RYR1: variants seen among roughly 807,000 people sequenced by gnomAD.
The protein encoded by RYR1 is central core disease of muscle.
Under a neutral mutation model 583.5 loss-of-function variants are expected in RYR1, and 342 were observed. The ratio of observed to expected loss-of-function variants is 0.59; its 90% CI spans 0.54 to 0.64. RYR1 has a LOEUF of 0.64. RYR1 is among the 30% of genes least tolerant of loss of function. The pLI is 0.00. For missense variants in RYR1, 6,032 were observed against 6,917.2 expected (o/e 0.87, Z 4.54); for synonymous variants, 2,791 against 2,822.5 (o/e 0.99, Z 0.35).
intron 20 of RYR1, among the ~76,000 whole-genome samples, chr19:38,462,106 C>T (rs150410459): frequency 1.8e-4 from 27 of 152,178 alleles, no homozygotes; most frequent in African/African-American, 6.3e-4. Context: ...AAGCATGTCC[C>T]TATAGGAGGG....
chr19:38,517,231 A>G (rs1971010274), intron 65 of RYR1, 128 bp from the exon 66 acceptor site: 2 of 961,432 alleles, frequency 2.1e-6, no homozygotes, highest in East Asian at 5.3e-5. Flanking sequence ...GATGGGAAGA[A>G]TAGGGTTTGG....
rs553176743 is a variant in RYR1 at position 38,470,074 on chromosome 19, G to A, written c.3765+561G>A. 2.0e-5 allele frequency among the ~76,000 whole-genome samples: 3 copies of A among 151,958 alleles called. No homozygotes were observed. In the South Asian group the frequency reaches 6.3e-4, roughly 32 times the overall value. ...CCAGCTACTTAGGGGGCTGAGGCAG[G>A]AGACTCGCTTGAACACGGGAGATGG... On this transcript the variant is annotated intron_variant, in intron 27 of 105. Transcript: ENST00000359596.
rs7258503 is a variant in RYR1 at position 38,477,899 on chromosome 19, G to A, written c.4454+29G>A. 6.3e-3 allele frequency: 8,705 copies of A among 1,389,548 alleles called. 473 individuals carry two copies. The African/African-American group carries it at 0.11, about 17-fold the overall frequency. 86.1% of individuals were successfully genotyped at this position (1,389,548 alleles called of 1,614,324 possible). Reference sequence around the variant, plus strand: ...CCGGGGCTGGGGGGAGGTGGGAGGTGCAGGGTGGGGAGGGCAGGAGGCAGT... The same window carrying A: ...CCGGGGCTGGGGGGAGGTGGGAGGTACAGGGTGGGGAGGGCAGGAGGCAGT... On this transcript the variant is annotated intron_variant, in intron 30 of 105. Coordinates refer to ENST00000359596, the MANE Select transcript of RYR1 (RefSeq NM_000540.3).
chr19:38,575,638 A>G lies in RYR1; in HGVS notation c.14130-281A>G, dbSNP rs145676047. Among the ~76,000 whole-genome samples, 20 of 152,192 alleles carry G rather than the reference A, an allele frequency of 1.3e-4. 2 individuals are homozygous for G. The highest frequency in any genetic ancestry group is 4.8e-4 in the African/African-American group (20 of 41,536). ...GCCAACATGGCAAAACCTCGTCTCT[A>G]CTAAAAATACGAAAATTAGCCGGGC... On this transcript the variant is annotated intron_variant, in intron 96 of 105. Coordinates refer to ENST00000359596, the MANE Select transcript of RYR1 (RefSeq NM_000540.3).
In RYR1 at chr19:38,583,853, G is replaced by A. The variant is rs147481552; in HGVS notation, c.14647-1090G>A. On this transcript the variant is annotated intron_variant, in intron 101 of 105. Coordinates refer to ENST00000359596, the MANE Select transcript of RYR1 (RefSeq NM_000540.3). Reference sequence around the variant, plus strand: ...ACATCCTACAGGAAGCCCCTTGACCGCGGGCTGGGCCAGGGCCCACAGAGC... The same window carrying A: ...ACATCCTACAGGAAGCCCCTTGACCACGGGCTGGGCCAGGGCCCACAGAGC... Among the ~76,000 whole-genome samples the A allele has an allele frequency of 2.6e-3, 398 of 152,074 alleles. 1 individual carries two copies. Among genetic ancestry groups the A allele is most frequent in the African/African-American group, 9.0e-3 (375 of 41,448 alleles).
Position 38,490,258 on chromosome 19 carries a change from C to T in RYR1, c.5997C>T (p.Arg1999=). 6.2e-7 allele frequency: 1 copy of T among 1,613,996 alleles called. No homozygotes were observed. Among genetic ancestry groups the T allele is most frequent in the Non-Finnish European group, 8.5e-7 (1 of 1,179,952 alleles). Residue 1999 remains arginine (R), a synonymous_variant, in exon 36 of 106, where the codon CGC becomes CGT. Transcript: ENST00000359596. ...CTGCAAGACGTACCCGCGAGTTCCG[C>T]TCCCCACCCCAGGAACAGGTCATCT... The part of the protein sequence containing the change: ...AETARRTREF[R]SPPQEQINML...
In RYR1 at chr19:38,561,286, T is replaced by C. The variant is rs1233497083; in HGVS notation, c.12456T>C (p.His4152=). ...VAVLLTNLSE[H]VPHDPRLHNF... is the part of the protein sequence containing the mutation. ...TGCTGCTGACCAACCTGTCGGAGCA[T>C]GTGCCGCATGACCCTCGCCTGCACA... Residue 4152 remains histidine, a synonymous_variant, in exon 90 of 106, where the codon CAT becomes CAC. Transcript: ENST00000359596. This position sits in a 1 kb window ranked among gnomAD's most constrained non-coding sequence, Gnocchi z 4.8. The C allele has an allele frequency of 1.2e-6, 2 of 1,613,924 alleles. No individual in the cohort carries two copies. Among genetic ancestry groups the C allele is most frequent in the Non-Finnish European group, 1.7e-6 (2 of 1,180,036 alleles).
intron 1 of RYR1, among the ~76,000 whole-genome samples, chr19:38,438,064 C>T (rs1972503550): frequency 6.6e-6 from 1 of 151,810 alleles, no homozygotes; most frequent in African/African-American, 2.4e-5. Context: ...CTGTTTGCCC[C>T]TCCTCCTTGC....
intron 87 of RYR1, among the ~76,000 whole-genome samples, chr19:38,544,372 C>T (rs948582201): frequency 5.3e-5 from 8 of 152,198 alleles, no homozygotes; most frequent in African/African-American, 1.9e-4. Context: ...CTTTCCCTCA[C>T]CCCTTTGCAG....
intron 27 of RYR1, among the ~76,000 whole-genome samples, chr19:38,469,997 G>C (rs537360150): frequency 6.6e-6 from 1 of 152,126 alleles, no homozygotes; most frequent in African/African-American, 2.4e-5. Flanking sequence ...TTGATTCCAA[G>C]AGGTCAAGAC....
Position 38,469,046 on chromosome 19 carries a change from C to T in RYR1, c.3462C>T (p.Leu1154=). 3 of 1,614,176 alleles carry T rather than the reference C, an allele frequency of 1.9e-6. No homozygotes were observed. Among genetic ancestry groups the T allele is most frequent in the Non-Finnish European group, 2.5e-6 (3 of 1,180,020 alleles). The change falls in exon 26 of 106, where the codon CTC becomes CTT. Residue 1154 remains leucine, a synonymous_variant. Coordinates refer to ENST00000359596, the MANE Select transcript of RYR1 (RefSeq NM_000540.3). ...PGDVVGCMID[L]TENTIIFTLN... ...ATGTCGTTGGCTGTATGATCGACCT[C>T]ACAGAGAACACCATTATCTTCACCC...
Position 38,496,565 on chromosome 19 carries a change from CTG to C in RYR1, c.6796+26_6796+27del, listed in dbSNP as rs2145586981. ...GGGTGAGAACCCCCGAGCCCAGGGG[CTG>C]TCCCCCAGAACCCACTCCTGGCACC... On this transcript the variant is annotated intron_variant, in intron 41 of 105. Coordinates refer to ENST00000359596, the MANE Select transcript of RYR1 (RefSeq NM_000540.3). This position sits in a 1 kb window ranked among gnomAD's most constrained non-coding sequence, Gnocchi z 4.8. The C allele has an allele frequency of 6.2e-7, 1 of 1,612,818 alleles. No individual in the cohort carries two copies. The highest frequency in any genetic ancestry group is 8.5e-7 in the Non-Finnish European group (1 of 1,179,968).
rs150700249 is a variant in RYR1 at position 38,577,571 on chromosome 19, C to T, written c.14173-347C>T. 4.2e-3 allele frequency among the ~76,000 whole-genome samples: 639 copies of T among 151,988 alleles called. 17 individuals carry two copies. The highest frequency in any genetic ancestry group is 0.038 in the Admixed American group (576 of 15,260). On this transcript the variant is annotated intron_variant, in intron 97 of 105. Coordinates refer to ENST00000359596, the MANE Select transcript of RYR1 (RefSeq NM_000540.3). ...CAGCACTTTGGGAGGCCAAGGAGGGCAGATCACTTGAGGTTAGGAGTTCAA... is the reference window on the plus strand; with the variant it reads ...CAGCACTTTGGGAGGCCAAGGAGGGTAGATCACTTGAGGTTAGGAGTTCAA...
chr19:38,545,948 C>G (rs1279179133), intron 87 of RYR1, among the ~76,000 whole-genome samples: 1 of 152,182 alleles, frequency 6.6e-6, no homozygotes, highest in African/African-American at 2.4e-5. Context: ...CACTGTGGCC[C>G]TATGTTCCCC....
In RYR1 at chr19:38,466,081, A is replaced by G. The variant is rs759634901; in HGVS notation, c.2871-10A>G. 3 of 1,603,716 alleles carry G rather than the reference A, an allele frequency of 1.9e-6. No homozygotes were observed. The highest frequency in any genetic ancestry group is 2.6e-6 in the Non-Finnish European group (3 of 1,175,764). On this transcript the variant is annotated splice_polypyrimidine_tract_variant and intron_variant, in intron 23 of 105. Coordinates refer to ENST00000359596, the MANE Select transcript of RYR1 (RefSeq NM_000540.3). ...GGGCCTTGTCCCATGGAGCCCTACC[A>G]TGCCCGCAGGTATATGATGAGCAAT...
intron 96 of RYR1, among the ~76,000 whole-genome samples, chr19:38,573,985 A>G (rs897097288): frequency 1.3e-5 from 2 of 152,146 alleles, no homozygotes; most frequent in Non-Finnish European, 2.9e-5. Context: ...TCATGCCTGT[A>G]ATCCCAACAC....
chr19:38,512,308 C>T lies in RYR1; in HGVS notation c.9297C>T (p.Ala3099=), dbSNP rs1970766133. The change falls in exon 63 of 106, where the codon GCC becomes GCT. Residue 3099 remains alanine (A), a synonymous_variant. Coordinates refer to ENST00000359596, the MANE Select transcript of RYR1 (RefSeq NM_000540.3). This position sits in a 1 kb window ranked among gnomAD's most constrained non-coding sequence, Gnocchi z 5.1. ...KAGLRSFFES[A]SEDIEKMVEN... Reference sequence around the variant, plus strand: ...GCCTCCGCTCCTTCTTCGAGAGTGCCTCGGAGGACATCGAGAAGATGGTGG... The same window carrying T: ...GCCTCCGCTCCTTCTTCGAGAGTGCTTCGGAGGACATCGAGAAGATGGTGG... 1 of 1,614,140 alleles carries T rather than the reference C, an allele frequency of 6.2e-7. No homozygotes were observed.
At chr19:38,538,009 G>T in intron 84 of RYR1, 49 bp downstream of exon 84, 1 of 1,569,270 alleles carries the variant, frequency 6.4e-7, no homozygotes, top group Admixed American at 1.7e-5. Flanking sequence ...TTTGGGGCTG[G>T]TACGGAAGGG....
At chr19:38,488,208 T>C (rs1418216607) in intron 34 of RYR1, among the ~76,000 whole-genome samples, 3 of 152,110 alleles carry the variant, frequency 2.0e-5, no homozygotes, top group African/African-American at 7.2e-5. Flanking sequence ...TATCCACATA[T>C]TCATTTACTT....
Sources: allele counts gnomAD v4.1 joint callset (sites outside exome capture counted in the v4.1 genomes callset), GRCh38; gene constraint gnomAD v4.1.1; non-coding constraint Gnocchi (gnomAD v3.1); transcripts MANE v1.5; gene names NCBI Gene and HGNC (gene_info 2026-07-23, HGNC 2026-07-21).